The following WASHC5 variants were observed in gnomAD, a reference collection of about 807,000 sequenced individuals.
WASHC5 encodes the protein WASH complex subunit strumpellin.
WASHC5 carries 101 observed loss-of-function variants against 150.4 expected under a neutral mutation model. The ratio of observed to expected loss-of-function variants is 0.67; its 90% CI spans 0.57 to 0.79. WASHC5 has a LOEUF of 0.79. Ranked by LOEUF, WASHC5 falls within the 30% of genes least tolerant of loss-of-function variation. The pLI, the probability that WASHC5 is intolerant of heterozygous loss-of-function variation, is 0.00. For synonymous variants in WASHC5, 467 were observed against 491.2 expected (o/e 0.95, Z 0.65); for missense variants, 1,195 against 1,396.3 (o/e 0.86, Z 2.30).
At chr8:125,025,691 A>G (rs932134946) in intron 28 of WASHC5, among the ~76,000 whole-genome samples, 3 of 152,224 alleles carry the variant, frequency 2.0e-5, no homozygotes, top group African/African-American at 7.2e-5. Flanking sequence ...TATAATACCT[A>G]TGTAACAAAC....
intron 22 of WASHC5, 26 bp downstream of exon 22, chr8:125,043,966 G>A (rs762452131): frequency 7.7e-6 from 11 of 1,435,382 alleles, no homozygotes; most frequent in Admixed American, 2.2e-5. Context: ...TGTCATCCCC[G>A]CCTCAGGTAG....
chr8:125,033,087 C>A (rs960491298), intron 26 of WASHC5, among the ~76,000 whole-genome samples: 3 of 151,984 alleles, frequency 2.0e-5, no homozygotes, highest in Non-Finnish European at 4.4e-5. Flanking sequence ...AAGATTTCTG[C>A]CAAAATGTGG....
chr8:125,071,382 C>A (rs1816890519), intron 9 of WASHC5, among the ~76,000 whole-genome samples: 1 of 152,138 alleles, frequency 6.6e-6, no homozygotes, highest in African/African-American at 2.4e-5. Flanking sequence ...ACTGTGTGAA[C>A]AGAAGGTCTC....
chr8:125,076,139 G>T (rs1159402791), intron 7 of WASHC5, among the ~76,000 whole-genome samples: 1 of 152,288 alleles, frequency 6.6e-6, no homozygotes, highest in East Asian at 1.9e-4. Context: ...TTTAGAAAAA[G>T]ACTAGTGGGT....
chr8:125,038,532 T>C (rs943439655), intron 25 of WASHC5, among the ~76,000 whole-genome samples: 2 of 152,200 alleles, frequency 1.3e-5, no homozygotes, highest in Non-Finnish European at 2.9e-5. Flanking sequence ...TTTGGGTTTG[T>C]TGGGCCTTGA....
chr8:125,065,203 T>C (rs1816711163), intron 10 of WASHC5, among the ~76,000 whole-genome samples: 1 of 152,142 alleles, frequency 6.6e-6, no homozygotes, highest in Non-Finnish European at 1.5e-5. Context: ...TATAGGATAG[T>C]CAGAAAGTGA....
chr8:125,072,420 C>T (rs1206087208), intron 9 of WASHC5, among the ~76,000 whole-genome samples: 1 of 149,674 alleles, frequency 6.7e-6, no homozygotes, highest in Non-Finnish European at 1.5e-5. Flanking sequence ...GTCACTTAGG[C>T]TGCAGTGCAG....
Position 125,078,704 on chromosome 8 carries a change from TGTCTTAATAG to T in WASHC5, c.711+24_711+33del, listed in dbSNP as rs11278975. ...GGGAAGTGAAATCAGTCTGTTAAAC[TGTCTTAATAG>T]GTCTTAATAGATTTAATTCCCACCT... On this transcript the variant is annotated intron_variant, in intron 6 of 28. Coordinates refer to ENST00000318410, the MANE Select transcript of WASHC5 (RefSeq NM_014846.4). The T allele has an allele frequency of 0.052, 79,272 of 1,518,196 alleles. 7,372 individuals carry two copies. The highest frequency in any genetic ancestry group is 0.38 in the African/African-American group (28,005 of 73,054). The allele number at this position is 1,518,196 out of a possible 1,614,324, so 94.0% of individuals were successfully genotyped here. A position where few individuals can be genotyped will look rare whatever the true frequency, so the allele number is the denominator to read the frequency against.
intron 11 of WASHC5, among the ~76,000 whole-genome samples, 159 bp from the exon 12 acceptor site, chr8:125,061,353 C>T (rs915252973): frequency 6.6e-6 from 1 of 152,170 alleles, no homozygotes; most frequent in African/African-American, 2.4e-5. Context: ...CTGGAGCATG[C>T]GACATAGTAG....
intron 2 of WASHC5, 68 bp downstream of exon 2, chr8:125,083,645 C>T: frequency 7.9e-7 from 1 of 1,271,342 alleles, no homozygotes; most frequent in Non-Finnish European, 1.1e-6. Context: ...TACAGAGTTT[C>T]ATGGTTCCCA....
chr8:125,046,814 A>C (rs1035295168), intron 20 of WASHC5, among the ~76,000 whole-genome samples: 7 of 152,172 alleles, frequency 4.6e-5, no homozygotes, highest in African/African-American at 1.7e-4. Flanking sequence ...GATTCTTCTA[A>C]GGAGCGCACA....
chr8:125,076,300 A>T, intron 7 of WASHC5, 48 bp downstream of exon 7: 1 of 1,561,162 alleles, frequency 6.4e-7, no homozygotes, highest in Non-Finnish European at 8.8e-7. Flanking sequence ...ATGGGAAGTT[A>T]GTTCTCTAAC....
intron 3 of WASHC5, 111 bp from the exon 4 acceptor site, chr8:125,082,578 C>T (rs1398285023): frequency 4.2e-6 from 3 of 711,324 alleles, no homozygotes; most frequent in African/African-American, 3.6e-5. Flanking sequence ...TTCTGGCCTT[C>T]CACTAGTTCA....
intron 26 of WASHC5, 104 bp downstream of exon 26, chr8:125,037,133 A>G: frequency 1.4e-6 from 1 of 737,996 alleles, no homozygotes; most frequent in Non-Finnish European, 2.4e-6. Context: ...TTAACTAAGA[A>G]AAGATCTCAT....
chr8:125,031,576 G>A (rs896983020), intron 27 of WASHC5, among the ~76,000 whole-genome samples: 2 of 152,040 alleles, frequency 1.3e-5, no homozygotes, highest in Non-Finnish European at 2.9e-5. Context: ...GCTTTGATTC[G>A]TTTTTTACAT....
intron 26 of WASHC5, among the ~76,000 whole-genome samples, chr8:125,035,833 G>A (rs551126872): frequency 1.8e-4 from 28 of 152,330 alleles, no homozygotes; most frequent in African/African-American, 6.7e-4. Context: ...CTGTAAGGAA[G>A]AAATATATTT....
chr8:125,064,087 T>C (rs1816681013), intron 10 of WASHC5, among the ~76,000 whole-genome samples: 1 of 152,228 alleles, frequency 6.6e-6, no homozygotes, highest in African/African-American at 2.4e-5. Context: ...CCTTCTCCAA[T>C]GACTGGGGAA....
rs1816093558 is a variant in WASHC5 at position 125,047,212 on chromosome 8, G to A, written c.2499C>T (p.Asp833=). Residue 833 remains aspartate, a synonymous_variant, in exon 20 of 29, where the codon GAC becomes GAT. Transcript: ENST00000318410. ...RLCREILRIT[D]PKMTCHIDQL... is the part of the protein sequence containing the mutation. Reference sequence around the variant, plus strand: ...TAGAATTCAGGTACACCTACTTTGGGTCTGTGATCCGCAGGATTTCTCTGC... The same window carrying A: ...TAGAATTCAGGTACACCTACTTTGGATCTGTGATCCGCAGGATTTCTCTGC... The A allele has an allele frequency of 6.2e-7, 1 of 1,613,982 alleles. No homozygotes were observed. The highest frequency in any genetic ancestry group is 8.5e-7 in the Non-Finnish European group (1 of 1,179,936).
Position 125,083,773 on chromosome 8 carries a change from TA to T in WASHC5, c.125del (p.Leu42Ter). 6.2e-7 allele frequency: 1 copy of T among 1,613,906 alleles called. No homozygotes were observed. The highest frequency in any genetic ancestry group is 1.1e-5 in the South Asian group (1 of 91,074). On this transcript the variant is annotated frameshift_variant, in exon 2 of 29. Transcript: ENST00000318410. LOFTEE classifies it high-confidence loss of function. ...LSEFIPAVFR[L>X]KDRADQQKYG... ...ATTTCTGTTGATCAGCTCTGTCTTT[TA>T]ACCTGAACACAGCAGGAATAAACTC...
Sources: gnomAD v4.1 joint callset for allele counts (sites outside exome capture counted in the v4.1 genomes callset) on GRCh38, gnomAD v4.1.1 for gene constraint, MANE v1.5 for transcripts, NCBI Gene and HGNC (gene_info 2026-07-23, HGNC 2026-07-21) for gene names.